CELSR1: variants seen among roughly 807,000 people sequenced by gnomAD.
CELSR1 encodes cadherin EGF LAG seven-pass G-type receptor 1.
A neutral mutation model predicts 249.1 loss-of-function variants in CELSR1; 110 were observed. That is an observed-to-expected ratio of 0.44 (90% confidence interval 0.38 to 0.52). CELSR1 has a LOEUF of 0.52. Ranked by LOEUF, CELSR1 falls within the 20% of genes least tolerant of loss-of-function variation. The pLI is 0.00. For missense variants in CELSR1, 4,109 were observed against 4,296.4 expected, an observed-to-expected ratio of 0.96 and a Z score of 1.22; for synonymous variants, 2,113 against 1,900.0, an observed-to-expected ratio of 1.11 and a Z score of -2.92.
rs548497650 is a variant in CELSR1 at position 46,391,172 on chromosome 22, C to T, written c.6250+14G>A. The T allele has an allele frequency of 2.5e-6, 4 of 1,608,544 alleles. No individual in the cohort carries two copies. In the East Asian group the frequency reaches 6.7e-5, roughly 27 times the overall value. On this transcript the variant is annotated intron_variant, in intron 16 of 34. Transcript: ENST00000674500. This position sits in a 1 kb window ranked among gnomAD's most constrained non-coding sequence, Gnocchi z 4.3. Reference sequence around the variant, plus strand: ...CCTGCCTCAGTTCCCTACACACAGGCCACGGCGACTCACCAACGGATCCCT... The same window carrying T: ...CCTGCCTCAGTTCCCTACACACAGGTCACGGCGACTCACCAACGGATCCCT...
chr22:46,478,548 T>G (rs2080233635), intron 1 of CELSR1, among the ~76,000 whole-genome samples: 2 of 151,364 alleles, frequency 1.3e-5, no homozygotes, highest in Admixed American at 1.3e-4. Context: ...GATGAGAATT[T>G]TTTTTTTTTT....
Position 46,385,317 on chromosome 22 carries a change from G to A in CELSR1, c.6740-631C>T, listed in dbSNP as rs551544690. ...CTCACTATGGCGCCTGGCTGGTTTC[G>A]AACTCCTGGGCTCAAGCAATCTGCC... On this transcript the variant is annotated intron_variant, in intron 19 of 34. Transcript: ENST00000674500. Among the ~76,000 whole-genome samples the A allele has an allele frequency of 5.3e-5, 8 of 152,062 alleles. No homozygotes were observed. The East Asian group carries it at 1.4e-3, about 26-fold the overall frequency.
chr22:46,391,703 G>A lies in CELSR1; in HGVS notation c.6078C>T (p.Pro2026=), dbSNP rs61737809. The part of the protein sequence containing the change: ...DMATGQCACK[P]GVIGRQCNRC... ...GGTTGCACTGGCGGCCGATGACGCC[G>A]GGCTTGCAGGCACACTGCCCGGTGG... Residue 2026 remains proline (P), a synonymous_variant, in exon 15 of 35, where the codon CCC becomes CCT. Coordinates refer to ENST00000674500, the MANE Select transcript of CELSR1 (RefSeq NM_001378328.1). The surrounding 1 kb of genome is among the most constrained non-coding windows in gnomAD (Gnocchi z 4.3). 2.6e-3 allele frequency: 4,136 copies of A among 1,610,866 alleles called. 106 individuals are homozygous for A. The African/African-American group carries it at 0.049, about 19-fold the overall frequency.
chr22:46,366,442 A>T lies in CELSR1; in HGVS notation c.8244T>A (p.Pro2748=). Residue 2748 remains proline (P), a synonymous_variant, in exon 30 of 35, where the codon CCT becomes CCA. Coordinates refer to ENST00000674500, the MANE Select transcript of CELSR1 (RefSeq NM_001378328.1). ...CGCCCAAGTCTGTGCGCAGCATGTC[A>T]GGCCCGTCACCGAAGGTGGTGTTGC... ...LNCNTTFGDG[P]DMLRTDLGES... 2 of 1,550,286 alleles carry T rather than the reference A, an allele frequency of 1.3e-6. No homozygotes were observed. Among genetic ancestry groups the T allele is most frequent in the Non-Finnish European group, 1.7e-6 (2 of 1,146,726 alleles).
At position 46,389,358 on chromosome 22, in the gene CELSR1, C is replaced by T. The variant is rs370135327; in HGVS notation, c.6487G>A (p.Val2163Ile). Residue 2163 changes from valine (V) to isoleucine (I), a missense_variant, in exon 18 of 35, where the codon GTC becomes ATC. Transcript: ENST00000674500. Reference sequence around the variant, plus strand: ...TGCTGCCAGCTCTCGTGCTGAAGGACGTGGCCCAGCAGCTGGTAGGCCGTG... The same window carrying T: ...TGCTGCCAGCTCTCGTGCTGAAGGATGTGGCCCAGCAGCTGGTAGGCCGTG... ...VRTAYQLLGH[V>I]LQHESWQQGF... 3.7e-6 allele frequency: 6 copies of T among 1,610,876 alleles called. No homozygotes were observed. The highest frequency in any genetic ancestry group is 2.7e-5 in the African/African-American group (2 of 74,938).
intron 1 of CELSR1, among the ~76,000 whole-genome samples, chr22:46,469,665 A>C (rs1392244620): frequency 4.0e-5 from 6 of 151,614 alleles, no homozygotes. Flanking sequence ...ACAGACGTAC[A>C]CCACCACGCC....
At position 46,394,267 on chromosome 22, in the gene CELSR1, G is replaced by C. The variant is rs2079125471; in HGVS notation, c.5844-5C>G. The stretch of plus-strand genomic sequence containing the variant: ...CTGGGGCACGGAAGGTCGAGTCTGT[G>C]GGGAAAATAAGAGGGCAGCTGGAAG... On this transcript the variant is annotated splice_region_variant and splice_polypyrimidine_tract_variant and intron_variant, in intron 13 of 34. Coordinates refer to ENST00000674500, the MANE Select transcript of CELSR1 (RefSeq NM_001378328.1). The C allele has an allele frequency of 6.8e-6, 11 of 1,611,608 alleles. No homozygotes were observed. Among genetic ancestry groups the C allele is most frequent in the Non-Finnish European group, 9.3e-6 (11 of 1,179,086 alleles).
chr22:46,448,254 G>A lies in CELSR1; in HGVS notation c.4184-8843C>T, dbSNP rs1292373877. On this transcript the variant is annotated intron_variant, in intron 2 of 34. Transcript: ENST00000674500. The surrounding 1 kb of genome is among the most constrained non-coding windows in gnomAD (Gnocchi z 5.7). ...ACATGGAGACTCTGGCAGGGGGCTG[G>A]ACACAAGCCCAGGGAAGACAGAGGG... Among the ~76,000 whole-genome samples the A allele has an allele frequency of 3.3e-5, 5 of 152,178 alleles. No individual in the cohort carries two copies. The highest frequency in any genetic ancestry group is 9.6e-5 in the African/African-American group (4 of 41,454).
chr22:46,383,638 C>T (rs2079002259), intron 20 of CELSR1, among the ~76,000 whole-genome samples: 3 of 152,194 alleles, frequency 2.0e-5, no homozygotes, highest in African/African-American at 4.8e-5. Flanking sequence ...GCAATCCTCC[C>T]GCCTCAGCCT....
Position 46,534,720 on chromosome 22 carries a change from GTCC to G in CELSR1, c.2448_2450del (p.Glu816del). 2 of 1,613,346 alleles carry G rather than the reference GTCC, an allele frequency of 1.2e-6. No homozygotes were observed. Among genetic ancestry groups the G allele is most frequent in the Non-Finnish European group, 1.7e-6 (2 of 1,180,040 alleles). On this transcript the variant is annotated inframe_deletion, in exon 1 of 35. Transcript: ENST00000674500. The surrounding 1 kb of genome is among the most constrained non-coding windows in gnomAD (Gnocchi z 9.7). ...AGGTGATGCGGGCATTCTCTCCTGTGTCCTCATCGTTGGCACTGAGGGTAGCAA... is the reference window on the plus strand; with the variant it reads ...AGGTGATGCGGGCATTCTCTCCTGTGTCATCGTTGGCACTGAGGGTAGCAA...
intron 1 of CELSR1, among the ~76,000 whole-genome samples, chr22:46,505,928 C>T (rs2080510176): frequency 1.3e-5 from 2 of 152,140 alleles, no homozygotes; most frequent in African/African-American, 4.8e-5. Context: ...CCTGTAATCC[C>T]AGCACTTTGG....
rs182660883 is a variant in CELSR1, at chr22:46,513,681, G to A, written c.3544+19946C>T. On this transcript the variant is annotated intron_variant, in intron 1 of 34. Coordinates refer to ENST00000674500, the MANE Select transcript of CELSR1 (RefSeq NM_001378328.1). ...GGGCAGCAACACTTCTGTTTACTCCGTCACTACATCCCCAGAGCCAACACT... is the reference window on the plus strand; with the variant it reads ...GGGCAGCAACACTTCTGTTTACTCCATCACTACATCCCCAGAGCCAACACT... Among the ~76,000 whole-genome samples, 14 of 152,168 alleles carry A rather than the reference G, an allele frequency of 9.2e-5. No individual in the cohort carries two copies. The East Asian group carries it at 1.5e-3, about 17-fold the overall frequency.
intron 13 of CELSR1, 21 bp from the exon 14 acceptor site, chr22:46,394,283 C>G: frequency 6.2e-7 from 1 of 1,607,556 alleles, no homozygotes; most frequent in Non-Finnish European, 8.5e-7. Context: ...AATAAGAGGG[C>G]AGCTGGAAGG....
In CELSR1 at chr22:46,428,585, G is replaced by A. The variant is rs535248196; in HGVS notation, c.4611+4808C>T. On this transcript the variant is annotated intron_variant, in intron 5 of 34. Coordinates refer to ENST00000674500, the MANE Select transcript of CELSR1 (RefSeq NM_001378328.1). The surrounding 1 kb of genome is among the most constrained non-coding windows in gnomAD (Gnocchi z 5.7). The stretch of plus-strand genomic sequence containing the variant: ...TGAAGACCTCTTGGTTGTCAAAACC[G>A]GGTTAGGGGAACAGCTGGAGTCTAG... Among the ~76,000 whole-genome samples, 2 of 152,244 alleles carry A rather than the reference G, an allele frequency of 1.3e-5. No individual in the cohort carries two copies. The highest frequency in any genetic ancestry group is 2.4e-5 in the African/African-American group (1 of 41,472).
rs1470587517 is a variant in CELSR1 at position 46,491,575 on chromosome 22, C to CTT, written c.3545-27232_3545-27231dup. 2.0e-5 allele frequency among the ~76,000 whole-genome samples: 3 copies of CTT among 148,938 alleles called. No individual in the cohort carries two copies. The Admixed American group carries it at 2.0e-4, about 10-fold the overall frequency. On this transcript the variant is annotated intron_variant, in intron 1 of 34. Transcript: ENST00000674500. ...ACCACGCCCAGCCGTGAGAAAGTAA[C>CTT]TTTTTAAAAGTTTTTCTTGTGAACT...
Position 46,364,174 on chromosome 22 carries a change from T to G in CELSR1, c.8857A>C (p.Lys2953Gln). 1.2e-6 allele frequency: 2 copies of G among 1,612,222 alleles called. No individual in the cohort carries two copies. The highest frequency in any genetic ancestry group is 2.2e-5 in the South Asian group (2 of 91,084). ...GGGCTCTGCTCACAGTCGGCCAGCTTCTCCCGGAGCCGGCCCTTCAGCGTC... is the reference window on the plus strand; with the variant it reads ...GGGCTCTGCTCACAGTCGGCCAGCTGCTCCCGGAGCCGGCCCTTCAGCGTC... ...EQTLKGRLREKLADCEQSPTS... is the reference protein window; with the variant it reads ...EQTLKGRLREQLADCEQSPTS... Residue 2953 changes from lysine (K) to glutamine (Q), a missense_variant, in exon 34 of 35, where the codon AAG becomes CAG. This residue lies in a region of CELSR1 where 1,805 missense variants were observed against 1,831.6 expected (regional missense o/e 0.99). Transcript: ENST00000674500.
In CELSR1 at chr22:46,394,148, T is replaced by A. The variant is rs142450655; in HGVS notation, c.5958A>T (p.Gln1986His). The A allele has an allele frequency of 6.2e-7, 1 of 1,613,768 alleles. No homozygotes were observed. Among genetic ancestry groups the A allele is most frequent in the East Asian group, 2.2e-5 (1 of 44,882 alleles). ...PDCNKTNGQC[Q>H]CKENYYKLLA... ...CATGGGGGCGGGGCCTCACCTTGCA[T>A]TGGCACTGGCCGTTGGTCTTATTAC... Residue 1986 changes from glutamine to histidine, a missense_variant, in exon 14 of 35, where the codon CAA becomes CAT. Gln to His is a conservative substitution (Grantham distance 24). Around this residue, in one of 7 missense-constraint regions of CELSR1, gnomAD observed 1,805 missense variants for 1,831.6 expected, o/e 0.99. Coordinates refer to ENST00000674500, the MANE Select transcript of CELSR1 (RefSeq NM_001378328.1).
chr22:46,436,276 C>T lies in CELSR1; in HGVS notation c.4420G>A (p.Glu1474Lys). ...TTGTAGAGAAGCAAGCCGTTCCTTT[C>T]CTGAGTGGCAAACCTGTGGGGCCAA... is the stretch of plus-strand genomic sequence containing the variant. ...FTISLTFATQ[E>K]RNGLLLYNGR... The change falls in exon 4 of 35, where the codon GAA (glutamate) becomes AAA (lysine). Residue 1474 changes from glutamate to lysine, a missense_variant. Physicochemically the swap from Glu to Lys is moderately conservative, Grantham distance 56 (BLOSUM62 1). This residue lies in a region of CELSR1 where 453 missense variants were observed against 492.0 expected (regional missense o/e 0.92). Transcript: ENST00000674500. The surrounding 1 kb of genome is among the most constrained non-coding windows in gnomAD (Gnocchi z 5.9). 1 of 1,614,020 alleles carries T rather than the reference C, an allele frequency of 6.2e-7. No homozygotes were observed. The highest frequency in any genetic ancestry group is 8.5e-7 in the Non-Finnish European group (1 of 1,179,948).
rs1486694489 is a variant in CELSR1, at chr22:46,408,647, A to C, written c.5226+349T>G. ...ACCACCCCGGCCTGCACCTGGCTGC[A>C]GCTTTAACTGGTGAGGCTCACTGTT... On this transcript the variant is annotated intron_variant, in intron 9 of 34. Coordinates refer to ENST00000674500, the MANE Select transcript of CELSR1 (RefSeq NM_001378328.1). The surrounding 1 kb of genome is among the most constrained non-coding windows in gnomAD (Gnocchi z 4.6). 5.9e-5 allele frequency among the ~76,000 whole-genome samples: 9 copies of C among 152,190 alleles called. No individual in the cohort carries two copies. Among genetic ancestry groups the C allele is most frequent in the African/African-American group, 2.2e-4 (9 of 41,458 alleles).
Sources: allele counts gnomAD v4.1 joint callset (sites outside exome capture counted in the v4.1 genomes callset), GRCh38; gene constraint gnomAD v4.1.1; regional missense constraint gnomAD v4.1.1; non-coding constraint Gnocchi (gnomAD v3.1); transcripts MANE v1.5; gene names NCBI Gene and HGNC (gene_info 2026-07-23, HGNC 2026-07-21).